Variants in KHDRBS2 observed in about 807,000 individuals in gnomAD.
KHDRBS2 encodes KH RNA binding domain containing, signal transduction associated 2, also known as KH domain-containing, RNA-binding, signal transduction-associated protein 2.
A neutral mutation model predicts 44.3 loss-of-function variants in KHDRBS2; 26 were observed. The observed-to-expected ratio is 0.59, with a 90% CI of 0.43 to 0.81. KHDRBS2 has a LOEUF of 0.81. KHDRBS2 is among the 40% of genes least tolerant of loss of function. The pLI is 0.00. For missense variants in KHDRBS2, 476 were observed against 433.1 expected, an observed-to-expected ratio of 1.10 and a Z score of -0.88; for synonymous variants, 194 against 151.1, an observed-to-expected ratio of 1.28 and a Z score of -2.08.
At chr6:61,852,539 G>A (rs1271713783) in intron 6 of KHDRBS2, among the ~76,000 whole-genome samples, 1 of 151,066 alleles carries the variant, frequency 6.6e-6, no homozygotes, top group Non-Finnish European at 1.5e-5. Flanking sequence ...ACTCCAGCCT[G>A]GTGACAGAGC....
chr6:61,954,908 G>GTATATATACA (rs1562514474), intron 4 of KHDRBS2, among the ~76,000 whole-genome samples: 1 of 79,644 alleles, frequency 1.3e-5, no homozygotes, highest in African/African-American at 5.6e-5. Context: ...ACATATGTGT[G>GTATATATACA]CATACATATA....
intron 4 of KHDRBS2, among the ~76,000 whole-genome samples, chr6:61,953,624 A>C (rs1417285410): frequency 6.6e-6 from 1 of 152,128 alleles, no homozygotes; most frequent in East Asian, 1.9e-4. Context: ...CAAAGTTGTA[A>C]AAATATAAAA....
intron 2 of KHDRBS2, among the ~76,000 whole-genome samples, chr6:62,080,702 G>C (rs1039965198): frequency 6.6e-6 from 1 of 152,056 alleles, no homozygotes; most frequent in Non-Finnish European, 1.5e-5. Flanking sequence ...TCTGTGTCCT[G>C]AGCTTCTCTG....
chr6:62,248,905 C>A (rs1211133100), intron 1 of KHDRBS2, among the ~76,000 whole-genome samples: 2 of 151,976 alleles, frequency 1.3e-5, no homozygotes, highest in Non-Finnish European at 2.9e-5. Flanking sequence ...ACAATGAGGG[C>A]ATTTAAATTT....
At chr6:62,001,753 A>T (rs1778276552) in intron 3 of KHDRBS2, among the ~76,000 whole-genome samples, 1 of 152,128 alleles carries the variant, frequency 6.6e-6, no homozygotes, top group South Asian at 2.1e-4. Context: ...AACATTAATG[A>T]TACATACAGA....
the KHDRBS2 span, among the ~76,000 whole-genome samples, chr6:61,579,529 A>C: frequency 6.6e-6 from 1 of 152,148 alleles, no homozygotes; most frequent in Non-Finnish European, 1.5e-5. Flanking sequence ...GAAGAGATAG[A>C]GTGATAGGAA....
chr6:61,813,978 C>A, intron 6 of KHDRBS2: 1 of 445,682 alleles, frequency 2.2e-6, no homozygotes, highest in Non-Finnish European at 4.5e-6. Context: ...CACCTCCATG[C>A]CAGTAAAAAA....
intron 2 of KHDRBS2, among the ~76,000 whole-genome samples, chr6:62,058,513 G>T (rs183268762): frequency 1.3e-5 from 2 of 151,888 alleles, no homozygotes; most frequent in East Asian, 1.9e-4. Context: ...TGTGTTTGTT[G>T]CCATTAAAAC....
intron 6 of KHDRBS2, among the ~76,000 whole-genome samples, chr6:61,821,849 G>A (rs1789969634): frequency 6.6e-6 from 1 of 151,816 alleles, no homozygotes; most frequent in South Asian, 2.1e-4. Context: ...ATTCAACATA[G>A]TACAGATTAT....
intron 1 of KHDRBS2, among the ~76,000 whole-genome samples, chr6:62,272,159 A>T (rs1176510926): frequency 2.0e-5 from 3 of 152,226 alleles, no homozygotes; most frequent in Non-Finnish European, 4.4e-5. Context: ...TAATCAATAC[A>T]GTAACATGCT....
intron 7 of KHDRBS2, among the ~76,000 whole-genome samples, chr6:61,702,728 T>G (rs1371890968): frequency 2.0e-5 from 3 of 151,916 alleles, no homozygotes; most frequent in South Asian, 2.1e-4. Flanking sequence ...ACAACTCATG[T>G]CTTTTCTGAT....
chr6:61,818,976 C>T (rs950068106), intron 6 of KHDRBS2, among the ~76,000 whole-genome samples: 18 of 151,894 alleles, frequency 1.2e-4, no homozygotes, highest in Admixed American at 1.3e-4. Flanking sequence ...CCAAAAGGTT[C>T]GGGAAAATCT....
the KHDRBS2 span, among the ~76,000 whole-genome samples, chr6:61,627,525 CT>C: frequency 1.3e-5 from 2 of 152,182 alleles, no homozygotes; most frequent in Admixed American, 6.5e-5. Context: ...GCCATGTGAT[CT>C]TGGCCTGACT....
At chr6:61,609,288 G>T in the KHDRBS2 span, among the ~76,000 whole-genome samples, 3 of 152,318 alleles carry the variant, frequency 2.0e-5, no homozygotes, top group African/African-American at 7.2e-5. Context: ...AACCCAGGAG[G>T]TGGATGTTGC....
the KHDRBS2 span, chr6:61,652,352 A>G: frequency 2.6e-5 from 4 of 152,218 alleles, no homozygotes; most frequent in African/African-American, 9.6e-5. Context: ...AACATGAAAC[A>G]AACACAGATG....
At chr6:62,103,967 A>G (rs1802526727) in intron 2 of KHDRBS2, among the ~76,000 whole-genome samples, 1 of 152,230 alleles carries the variant, frequency 6.6e-6, no homozygotes, top group African/African-American at 2.4e-5. Context: ...ATAAGGTCAT[A>G]AAGGATGACC....
At chr6:61,877,437 TTTTTTG>T (rs926235056) in intron 6 of KHDRBS2, among the ~76,000 whole-genome samples, 2 of 151,586 alleles carry the variant, frequency 1.3e-5, no homozygotes, top group East Asian at 1.9e-4. Context: ...AGAAAGTTTT[TTTTTTG>T]TTTTTGTTTT....
At chr6:62,183,871 T>A (rs1420126515) in intron 1 of KHDRBS2, among the ~76,000 whole-genome samples, 1 of 151,684 alleles carries the variant, frequency 6.6e-6, no homozygotes, top group African/African-American at 2.4e-5. Context: ...ACGAATATTT[T>A]TGGAAGGAAC....
At chr6:61,960,775 G>C (rs749761823) in intron 4 of KHDRBS2, among the ~76,000 whole-genome samples, 2 of 152,036 alleles carry the variant, frequency 1.3e-5, no homozygotes, top group African/African-American at 2.4e-5. Context: ...ATGTACATTT[G>C]AGAACAAATT....
Sources: allele counts gnomAD v4.1 joint callset (sites outside exome capture counted in the v4.1 genomes callset), GRCh38; gene constraint gnomAD v4.1.1; transcripts MANE v1.5; gene names NCBI Gene and HGNC (gene_info 2026-07-23, HGNC 2026-07-21).